The following ARHGAP10 variants were observed in gnomAD, a reference collection of about 807,000 sequenced individuals.
The protein encoded by ARHGAP10 is Rho GTPase activating protein 10.
ARHGAP10 carries 87 observed loss-of-function variants against 108.6 expected under a neutral mutation model. The observed-to-expected ratio is 0.80, with a 90% CI of 0.67 to 0.96. The LOEUF (loss-of-function observed/expected upper bound fraction) is 0.96, where lower values mean the gene tolerates loss of function less well. ARHGAP10 is among the 40% of genes least tolerant of loss of function. ARHGAP10 has a pLI of 0.00. For synonymous variants in ARHGAP10, 347 were observed against 341.1 expected (o/e 1.02, Z -0.19); for missense variants, 939 against 954.5 (o/e 0.98, Z 0.21).
intron 1 of ARHGAP10, among the ~76,000 whole-genome samples, chr4:147,735,117 T>C (rs1175298566): frequency 1.3e-5 from 2 of 152,196 alleles, no homozygotes; most frequent in Non-Finnish European, 2.9e-5. Context: ...CTGAATTCAA[T>C]TAGGTAGCAA....
At chr4:148,017,682 A>ATATGTG (rs1437383455) in intron 18 of ARHGAP10, among the ~76,000 whole-genome samples, 8 of 135,260 alleles carry the variant, frequency 5.9e-5, no homozygotes, top group Non-Finnish European at 1.1e-4. Context: ...ATATATATAT[A>ATATGTG]TGTGTGTGTA....
chr4:147,999,554 G>A (rs1740613901), intron 18 of ARHGAP10, among the ~76,000 whole-genome samples: 1 of 152,210 alleles, frequency 6.6e-6, no homozygotes, highest in African/African-American at 2.4e-5. Context: ...TCTGGATCAG[G>A]TTAAAGGCTT....
chr4:147,742,577 G>A (rs376729378), intron 1 of ARHGAP10, among the ~76,000 whole-genome samples: 27 of 137,250 alleles, frequency 2.0e-4, no homozygotes, highest in African/African-American at 7.1e-4. Context: ...TCTGCCTCCC[G>A]GGTTCAAGCG....
At chr4:147,848,785 A>G (rs1401616688) in intron 4 of ARHGAP10, among the ~76,000 whole-genome samples, 6 of 152,154 alleles carry the variant, frequency 3.9e-5, no homozygotes, top group South Asian at 4.1e-4. Context: ...TGAATCTTCT[A>G]TTGACTCATT....
intron 9 of ARHGAP10, 139 bp downstream of exon 9, chr4:147,879,477 T>G: frequency 1.3e-6 from 1 of 744,900 alleles, no homozygotes; most frequent in Non-Finnish European, 2.0e-6. Flanking sequence ...CTTTGTTTTG[T>G]TTTTGAGTGA....
chr4:147,955,944 A>AT (rs1320261190), intron 16 of ARHGAP10, among the ~76,000 whole-genome samples: 3 of 152,128 alleles, frequency 2.0e-5, no homozygotes, highest in Admixed American at 6.6e-5. Context: ...TTGTGATTGA[A>AT]TTTTTTGTGA....
At chr4:147,843,158 G>T (rs958890030) in intron 3 of ARHGAP10, among the ~76,000 whole-genome samples, 3 of 152,108 alleles carry the variant, frequency 2.0e-5, no homozygotes, top group African/African-American at 7.2e-5. Context: ...ATTTTGACTC[G>T]TATGACAGGC....
intron 10 of ARHGAP10, among the ~76,000 whole-genome samples, chr4:147,892,747 T>A (rs1363136846): frequency 6.6e-6 from 1 of 152,246 alleles, no homozygotes; most frequent in Non-Finnish European, 1.5e-5. Flanking sequence ...GAGATAATCC[T>A]TTAAATCAGA....
intron 1 of ARHGAP10, among the ~76,000 whole-genome samples, chr4:147,796,709 T>C (rs1731331985): frequency 6.6e-6 from 1 of 152,068 alleles, no homozygotes; most frequent in African/African-American, 2.4e-5. Flanking sequence ...GTATTTTTAG[T>C]AGAGACGGGG....
intron 1 of ARHGAP10, among the ~76,000 whole-genome samples, chr4:147,733,025 C>G (rs1174164971): frequency 6.6e-6 from 1 of 152,170 alleles, no homozygotes; most frequent in Non-Finnish European, 1.5e-5. Context: ...GAAAGTCCAC[C>G]TGGCTTTATG....
intron 10 of ARHGAP10, among the ~76,000 whole-genome samples, chr4:147,899,295 T>G (rs1336358129): frequency 6.6e-6 from 1 of 152,016 alleles, no homozygotes; most frequent in Non-Finnish European, 1.5e-5. Flanking sequence ...CCACCATGGA[T>G]GAAAGCAGCT....
At chr4:147,757,190 C>CTTTT (rs763282506) in intron 1 of ARHGAP10, among the ~76,000 whole-genome samples, 18 of 115,624 alleles carry the variant, frequency 1.6e-4, no homozygotes, top group African/African-American at 2.3e-4. Context: ...ACAGTCTAGC[C>CTTTT]TTTTTTTTTT....
chr4:147,834,430 C>T (rs1733081337), intron 3 of ARHGAP10, among the ~76,000 whole-genome samples: 1 of 152,096 alleles, frequency 6.6e-6, no homozygotes, highest in Non-Finnish European at 1.5e-5. Flanking sequence ...TATTGTGCCA[C>T]TGCACTCTAG....
chr4:147,795,979 C>T (rs1731304458), intron 1 of ARHGAP10, among the ~76,000 whole-genome samples: 1 of 152,152 alleles, frequency 6.6e-6, no homozygotes, highest in Non-Finnish European at 1.5e-5. Context: ...AGACATGAGC[C>T]ATCATGCCCA....
intron 1 of ARHGAP10, among the ~76,000 whole-genome samples, chr4:147,749,949 C>T (rs757993118): frequency 6.6e-6 from 1 of 152,134 alleles, no homozygotes; most frequent in African/African-American, 2.4e-5. Context: ...TTAACCACAG[C>T]GAACAGTGTT....
intron 19 of ARHGAP10, among the ~76,000 whole-genome samples, chr4:148,032,203 C>T (rs1728177055): frequency 6.6e-6 from 1 of 151,896 alleles, no homozygotes; most frequent in African/African-American, 2.4e-5. Flanking sequence ...AGATCTATTC[C>T]ATCCCATTGA....
At chr4:147,803,839 G>A (rs1731673754) in intron 1 of ARHGAP10, among the ~76,000 whole-genome samples, 1 of 152,114 alleles carries the variant, frequency 6.6e-6, no homozygotes, top group South Asian at 2.1e-4. Flanking sequence ...TTCATCCATT[G>A]ATGGACACTT....
At chr4:147,893,216 G>A (rs1013242060) in intron 10 of ARHGAP10, among the ~76,000 whole-genome samples, 1 of 151,784 alleles carries the variant, frequency 6.6e-6, no homozygotes, top group African/African-American at 2.4e-5. Flanking sequence ...GAGCCACCAT[G>A]CCCAGCTAAT....
At chr4:147,820,692 G>T (rs1732458369) in intron 1 of ARHGAP10, among the ~76,000 whole-genome samples, 1 of 140,530 alleles carries the variant, frequency 7.1e-6, no homozygotes, top group Admixed American at 7.9e-5. Flanking sequence ...CTGGGTTCAA[G>T]TGATTCTCGT....
Sources: gnomAD v4.1 joint callset for allele counts (sites outside exome capture counted in the v4.1 genomes callset) on GRCh38, gnomAD v4.1.1 for gene constraint, MANE v1.5 for transcripts, NCBI Gene and HGNC (gene_info 2026-07-23, HGNC 2026-07-21) for gene names.